ELAVL2: variants seen among roughly 807,000 people sequenced by gnomAD.
ELAVL2 encodes the protein ELAV like RNA binding protein 2, also known as ELAV-like protein 2.
ELAVL2 carries 4 observed loss-of-function variants against 34.6 expected under a neutral mutation model. The ratio of observed to expected loss-of-function variants is 0.12; its 90% CI spans 0.06 to 0.26. ELAVL2 has a LOEUF of 0.26. Among genes scored for constraint, ELAVL2 ranks in the 10% least tolerant of loss-of-function variants. The pLI is 1.00. For missense variants in ELAVL2, 432 were observed against 442.8 expected (o/e 0.98, Z 0.22); for synonymous variants, 193 against 154.8 (o/e 1.25, Z -1.83).
chr9:23,787,511 C>T (rs543492397), intron 1 of ELAVL2, among the ~76,000 whole-genome samples: 2 of 151,606 alleles, frequency 1.3e-5, no homozygotes, highest in South Asian at 4.2e-4. Context: ...GGATTACAGG[C>T]ATGAGCCACC....
chr9:23,712,778 C>G (rs1394813584), intron 3 of ELAVL2, among the ~76,000 whole-genome samples: 2 of 152,136 alleles, frequency 1.3e-5, no homozygotes, highest in Non-Finnish European at 1.5e-5. Flanking sequence ...TTAGTCAAGG[C>G]AGTTGATCTT....
chr9:23,696,463 TTTTTA>T (rs1439993699), intron 5 of ELAVL2, among the ~76,000 whole-genome samples: 1 of 152,170 alleles, frequency 6.6e-6, no homozygotes, highest in African/African-American at 2.4e-5. Context: ...CAAGGACATC[TTTTTA>T]TTTTATTTAT....
intron 1 of ELAVL2, among the ~76,000 whole-genome samples, chr9:23,773,015 G>A (rs3793583): frequency 0.03 from 4,543 of 152,108 alleles, 86 homozygotes; most frequent in East Asian, 0.07. Context: ...AGGTACATCT[G>A]TGACTTTTTA....
upstream of ELAVL2, chr9:23,826,423 C>T (rs973582228): frequency 6.6e-6 from 1 of 152,394 alleles, no homozygotes; most frequent in Non-Finnish European, 1.5e-5. Flanking sequence ...GATTGGTCCA[C>T]ACGCTTCCAT....
chr9:23,748,556 T>C (rs1054132136), intron 2 of ELAVL2, among the ~76,000 whole-genome samples: 1 of 152,092 alleles, frequency 6.6e-6, no homozygotes, highest in Non-Finnish European at 1.5e-5. Context: ...TGATAAGAGA[T>C]TGAAGGCAAT....
chr9:23,792,329 C>A (rs1256726507), intron 1 of ELAVL2, among the ~76,000 whole-genome samples: 1 of 152,202 alleles, frequency 6.6e-6, no homozygotes, highest in African/African-American at 2.4e-5. Flanking sequence ...ACATAAGCCC[C>A]ATCATAAGTC....
chr9:23,812,804 C>T (rs994133884), intron 1 of ELAVL2, among the ~76,000 whole-genome samples: 1 of 150,566 alleles, frequency 6.6e-6, no homozygotes. Flanking sequence ...CTTAAAACTG[C>T]CAACATTAAG....
intron 2 of ELAVL2, among the ~76,000 whole-genome samples, chr9:23,732,798 C>T (rs1228202348): frequency 6.6e-6 from 1 of 152,132 alleles, no homozygotes; most frequent in Non-Finnish European, 1.5e-5. Context: ...CCACAGCTTC[C>T]TTCTCTCTAA....
rs2137554081 is a variant in ELAVL2, at chr9:23,799,131, A to G, written c.-16+26675T>C. ...ATAATATGACTAGAAAGCCTAAGAAAATCTAATGCAATCTCACAGAAGCTT... is the reference window on the plus strand; with the variant it reads ...ATAATATGACTAGAAAGCCTAAGAAGATCTAATGCAATCTCACAGAAGCTT... On this transcript the variant is annotated intron_variant, in intron 1 of 6. Coordinates refer to ENST00000397312, the MANE Select transcript of ELAVL2 (RefSeq NM_004432.5). 2.0e-5 allele frequency among the ~76,000 whole-genome samples: 3 copies of G among 152,254 alleles called. No homozygotes were observed. In the Middle Eastern group the frequency reaches 0.01, roughly 518 times the overall value.
At chr9:23,747,397 A>G (rs1327772672) in intron 2 of ELAVL2, among the ~76,000 whole-genome samples, 1 of 152,170 alleles carries the variant, frequency 6.6e-6, no homozygotes, top group East Asian at 1.9e-4. Flanking sequence ...AACTGCAGAA[A>G]GCGAAACTGT....
At chr9:23,743,911 A>G (rs1406971941) in intron 2 of ELAVL2, among the ~76,000 whole-genome samples, 6 of 152,210 alleles carry the variant, frequency 3.9e-5, no homozygotes, top group Admixed American at 1.3e-4. Flanking sequence ...AGATTAAACA[A>G]TATGAAGGAC....
At chr9:23,795,078 T>A (rs1039185265) in intron 1 of ELAVL2, among the ~76,000 whole-genome samples, 11 of 152,164 alleles carry the variant, frequency 7.2e-5, no homozygotes, top group African/African-American at 2.4e-4. Context: ...ATATTACTGC[T>A]CTTCAGACAT....
At chr9:23,823,033 A>C (rs971035226) in intron 1 of ELAVL2, among the ~76,000 whole-genome samples, 1 of 152,126 alleles carries the variant, frequency 6.6e-6, no homozygotes, top group African/African-American at 2.4e-5. Context: ...TAGGGGGCTC[A>C]ACCAAGGTCA....
At chr9:23,721,764 GAACAGTAAA>G (rs1293623063) in intron 3 of ELAVL2, among the ~76,000 whole-genome samples, 69 of 152,112 alleles carry the variant, frequency 4.5e-4, no homozygotes, top group Non-Finnish European at 4.4e-5. Flanking sequence ...TCCACTTAAT[GAACAGTAAA>G]TATATTTTGT....
At chr9:23,784,806 T>A (rs1265543427) in intron 1 of ELAVL2, among the ~76,000 whole-genome samples, 4 of 152,222 alleles carry the variant, frequency 2.6e-5, no homozygotes, top group Non-Finnish European at 4.4e-5. Flanking sequence ...TTATGTGGAA[T>A]GTCAGAATTC....
intron 4 of ELAVL2, among the ~76,000 whole-genome samples, 172 bp downstream of exon 4, chr9:23,704,746 C>T (rs1216948173): frequency 6.6e-6 from 1 of 152,150 alleles, no homozygotes; most frequent in Non-Finnish European, 1.5e-5. Flanking sequence ...ACTCCACAAT[C>T]TATTTTTATC....
At chr9:23,759,753 AT>A (rs1305506227) in intron 2 of ELAVL2, among the ~76,000 whole-genome samples, 33 of 50,060 alleles carry the variant, frequency 6.6e-4, no homozygotes, top group African/African-American at 4.0e-3. Flanking sequence ...CATATATAGT[AT>A]TATATATATA....
intron 2 of ELAVL2, among the ~76,000 whole-genome samples, chr9:23,736,284 A>T (rs2047871300): frequency 6.6e-6 from 1 of 152,196 alleles, no homozygotes; most frequent in Non-Finnish European, 1.5e-5. Flanking sequence ...TATTTAAAAA[A>T]AACAAGAGTC....
At chr9:23,846,398 T>A in the ELAVL2 span, among the ~76,000 whole-genome samples, 4 of 151,950 alleles carry the variant, frequency 2.6e-5, no homozygotes, top group Non-Finnish European at 5.9e-5. Flanking sequence ...AAAAATCATA[T>A]AACATTTTAT....
Sources: gnomAD v4.1 joint callset for allele counts (sites outside exome capture counted in the v4.1 genomes callset) on GRCh38, gnomAD v4.1.1 for gene constraint, MANE v1.5 for transcripts, NCBI Gene and HGNC (gene_info 2026-07-23, HGNC 2026-07-21) for gene names.